The following PLXNA1 variants were observed in gnomAD, a reference collection of about 807,000 sequenced individuals.
The protein encoded by PLXNA1 is plexin-A1.
PLXNA1 carries 77 observed loss-of-function variants against 191.7 expected under a neutral mutation model. The observed-to-expected ratio is 0.40, with a 90% CI of 0.33 to 0.49. The LOEUF is 0.49. PLXNA1 is among the 20% of genes least tolerant of loss of function. The probability of loss-of-function intolerance (pLI) is 0.63; values close to 1 mark genes in which losing one functional copy is unlikely to be tolerated. For synonymous variants in PLXNA1, 1,137 were observed against 1,156.4 expected, an observed-to-expected ratio of 0.98 and a Z score of 0.34; for missense variants, 2,110 against 2,660.2, an observed-to-expected ratio of 0.79 and a Z score of 4.55.
At chr3:127,003,218 G>C (rs1053547871) in intron 3 of PLXNA1, 112 bp from the exon 4 acceptor site, 2 of 1,221,814 alleles carry the variant, frequency 1.6e-6, no homozygotes, top group African/African-American at 3.0e-5. Flanking sequence ...CTCTGCTCAT[G>C]CATGTCTGGG....
At position 127,014,699 on chromosome 3, in the gene PLXNA1, G is replaced by A. The variant is rs576014280; in HGVS notation, c.2757-12G>A. On this transcript the variant is annotated splice_polypyrimidine_tract_variant and intron_variant, in intron 13 of 31. Coordinates refer to ENST00000393409, the MANE Select transcript of PLXNA1 (RefSeq NM_032242.4). ...GGGGCTCCTGCAGCCCCTGAGGCCC[G>A]CCTGCCCACAGGATCGTCTGTGAGA... is the stretch of plus-strand genomic sequence containing the variant. The A allele has an allele frequency of 8.1e-6, 13 of 1,610,776 alleles. No individual in the cohort carries two copies. Among genetic ancestry groups the A allele is most frequent in the African/African-American group, 8.0e-5 (6 of 75,018 alleles).
chr3:126,992,862 C>T (rs13066329), intron 3 of PLXNA1, among the ~76,000 whole-genome samples: 86,941 of 152,088 alleles, frequency 0.57, 27,064 homozygotes, highest in Non-Finnish European at 0.69. Context: ...CTCCCGTCCT[C>T]TCAGCCTGCA....
chr3:127,021,158 CA>C (rs2079150515), intron 21 of PLXNA1, among the ~76,000 whole-genome samples: 1 of 152,210 alleles, frequency 6.6e-6, no homozygotes, highest in Admixed American at 6.5e-5. Flanking sequence ...TGATACTGAG[CA>C]GACCTTCCCG....
chr3:126,993,754 G>A (rs934979965), intron 3 of PLXNA1, among the ~76,000 whole-genome samples: 6 of 152,186 alleles, frequency 3.9e-5, no homozygotes, highest in South Asian at 2.1e-4. Flanking sequence ...AGTTTTGTTC[G>A]GAGGCCCCCC....
chr3:126,986,944 A>G (rs962078660), intron 1 of PLXNA1, among the ~76,000 whole-genome samples: 1 of 152,168 alleles, frequency 6.6e-6, no homozygotes, highest in African/African-American at 2.4e-5. Flanking sequence ...GGTGTCTGGG[A>G]TGGTCTGTGC....
At chr3:127,017,058 G>T (rs1340940582) in intron 17 of PLXNA1, 21 bp downstream of exon 17, 2 of 1,599,656 alleles carry the variant, frequency 1.3e-6, no homozygotes, top group East Asian at 2.2e-5. Flanking sequence ...GCCCTCAGCT[G>T]CCCACCTCGG....
At position 126,986,640 on chromosome 3, in the gene PLXNA1, A is replaced by C. The variant is rs574996570; in HGVS notation, c.-73-1881A>C. Among the ~76,000 whole-genome samples the C allele has an allele frequency of 3.1e-3, 472 of 152,302 alleles. 3 individuals carry two copies. Among genetic ancestry groups the C allele is most frequent in the African/African-American group, 0.01 (431 of 41,560 alleles). On this transcript the variant is annotated intron_variant, in intron 1 of 31. Coordinates refer to ENST00000393409, the MANE Select transcript of PLXNA1 (RefSeq NM_032242.4). Reference sequence around the variant, plus strand: ...TGGGGATGCAGTGGCAACCACCCAGAGCCAGGCCCTGCTCTCACAGGGCAG... The same window carrying C: ...TGGGGATGCAGTGGCAACCACCCAGCGCCAGGCCCTGCTCTCACAGGGCAG...
intron 20 of PLXNA1, among the ~76,000 whole-genome samples, chr3:127,019,831 AG>A (rs1343031696): frequency 6.6e-6 from 1 of 152,128 alleles, no homozygotes; most frequent in African/African-American, 2.4e-5. Context: ...GACAGCCTGC[AG>A]CCCTGGGACC....
chr3:127,004,837 G>GCCC (rs757518220), intron 5 of PLXNA1, 48 bp from the exon 6 acceptor site: 1 of 1,566,382 alleles, frequency 6.4e-7, no homozygotes, highest in South Asian at 1.2e-5. Context: ...TGGCAGGCGG[G>GCCC]CCCCGTAGGT....
chr3:127,015,039 A>G, intron 14 of PLXNA1, 145 bp from the exon 15 acceptor site: 2 of 1,349,416 alleles, frequency 1.5e-6, no homozygotes, highest in East Asian at 2.4e-5. Flanking sequence ...ACCTGGAAGT[A>G]CTGGCTCTGA....
chr3:127,016,632 T>C lies in PLXNA1; in HGVS notation c.3130T>C (p.Tyr1044His), dbSNP rs1354515144. The stretch of plus-strand genomic sequence containing the variant: ...CACCAACCCTGAGGTGAAGTACAAC[T>C]ACACCGAGGACCCCACCATCCTGAG... ...QLTNPEVKYNYTEDPTILRID... is the reference protein window; with the variant it reads ...QLTNPEVKYNHTEDPTILRID... Residue 1044 changes from tyrosine (Y) to histidine (H), a missense_variant, in exon 16 of 32, where the codon TAC becomes CAC. Tyr to His is a moderately conservative substitution (Grantham distance 83). This residue lies in a region of PLXNA1 where 644 missense variants were observed against 714.3 expected (regional missense o/e 0.90). Coordinates refer to ENST00000393409, the MANE Select transcript of PLXNA1 (RefSeq NM_032242.4). 2 of 1,613,936 alleles carry C rather than the reference T, an allele frequency of 1.2e-6. No homozygotes were observed.
intron 1 of PLXNA1, among the ~76,000 whole-genome samples, chr3:126,983,549 A>G (rs961270259): frequency 4.8e-5 from 7 of 145,740 alleles, no homozygotes; most frequent in Non-Finnish European, 7.6e-5. Flanking sequence ...GCCGACGCGG[A>G]GAGACCGCAC....
intron 3 of PLXNA1, among the ~76,000 whole-genome samples, chr3:126,993,180 C>G (rs1241676099): frequency 6.6e-6 from 1 of 152,198 alleles, no homozygotes; most frequent in Non-Finnish European, 1.5e-5. Flanking sequence ...TCCCCTGCCT[C>G]CTCACCCCAG....
intron 1 of PLXNA1, among the ~76,000 whole-genome samples, chr3:126,984,172 G>T (rs1041072607): frequency 1.3e-5 from 2 of 152,182 alleles, no homozygotes; most frequent in African/African-American, 4.8e-5. Flanking sequence ...CCCCTCGGTC[G>T]GCGTGAGGTC....
chr3:127,007,171 T>C (rs915436545), intron 8 of PLXNA1, among the ~76,000 whole-genome samples: 19 of 152,212 alleles, frequency 1.2e-4, no homozygotes, highest in Admixed American at 3.9e-4. Flanking sequence ...CAGGAGATCC[T>C]GGAGAGGAGA....
intron 10 of PLXNA1, among the ~76,000 whole-genome samples, chr3:127,013,775 C>T (rs2079107197): frequency 1.3e-5 from 2 of 152,184 alleles, no homozygotes; most frequent in Non-Finnish European, 2.9e-5. Flanking sequence ...CAAGGGGGTG[C>T]CACAGAGGTG....
intron 10 of PLXNA1, among the ~76,000 whole-genome samples, chr3:127,012,711 A>G (rs13080138): frequency 3.0e-3 from 462 of 152,336 alleles, no homozygotes; most frequent in Admixed American, 5.6e-3. Context: ...ATCTGACACA[A>G]TAGTGTTTGA....
At chr3:127,015,413 A>C in intron 15 of PLXNA1, 93 bp downstream of exon 15, 2 of 1,477,346 alleles carry the variant, frequency 1.4e-6, no homozygotes, top group African/African-American at 1.4e-5. Flanking sequence ...CAACGGGGCT[A>C]TGGAGAGCCT....
intron 1 of PLXNA1, among the ~76,000 whole-genome samples, chr3:126,988,081 C>T (rs541990636): frequency 6.6e-6 from 1 of 152,286 alleles, no homozygotes; most frequent in Admixed American, 6.5e-5. Context: ...CCACCAGCCT[C>T]AGGCAGGGAG....
Sources: gnomAD v4.1 joint callset for allele counts (sites outside exome capture counted in the v4.1 genomes callset) on GRCh38, gnomAD v4.1.1 for gene constraint, gnomAD v4.1.1 regional missense constraint, MANE v1.5 for transcripts, NCBI Gene and HGNC (gene_info 2026-07-23, HGNC 2026-07-21) for gene names.